Variants in PBX1 observed in about 807,000 individuals in gnomAD.
The protein encoded by PBX1 is PBX homeobox 1, also known as pre-B-cell leukemia transcription factor 1.
Under a neutral mutation model 53.4 loss-of-function variants are expected in PBX1, and 6 were observed. The observed-to-expected ratio is 0.11, with a 90% CI of 0.06 to 0.22. PBX1 has a LOEUF of 0.22. PBX1 is among the 10% of genes least tolerant of loss of function. The pLI is 1.00. For synonymous variants in PBX1, 204 were observed against 212.3 expected, an observed-to-expected ratio of 0.96 and a Z score of 0.34; for missense variants, 251 against 551.4, an observed-to-expected ratio of 0.46 and a Z score of 5.46.
intron 8 of PBX1, among the ~76,000 whole-genome samples, chr1:164,839,965 CA>C (rs1178931855): frequency 6.6e-6 from 1 of 151,848 alleles, no homozygotes; most frequent in South Asian, 2.1e-4. Flanking sequence ...CTAGAGCCAG[CA>C]GCATGAGTTA....
intron 2 of PBX1, among the ~76,000 whole-genome samples, chr1:164,571,612 T>C (rs1653859775): frequency 2.1e-5 from 2 of 97,430 alleles, no homozygotes; most frequent in Non-Finnish European, 1.9e-5. Context: ...ACTTAAGGAA[T>C]GGACTTCAGT....
chr1:164,594,724 A>C (rs941845126), intron 2 of PBX1, among the ~76,000 whole-genome samples: 13 of 152,360 alleles, frequency 8.5e-5, no homozygotes, highest in Admixed American at 7.2e-4. Context: ...ATCAACATAA[A>C]AATGTTAATG....
chr1:164,826,545 C>T (rs1216116453), intron 8 of PBX1, among the ~76,000 whole-genome samples: 2 of 152,074 alleles, frequency 1.3e-5, no homozygotes, highest in African/African-American at 4.8e-5. Context: ...GCCGGGATTA[C>T]AGGTTTGCAC....
chr1:164,605,045 G>A (rs1571049298), intron 2 of PBX1: 1 of 152,166 alleles, frequency 6.6e-6, no homozygotes, highest in Non-Finnish European at 1.5e-5. Flanking sequence ...AGGAACCTGT[G>A]TTCTTGTGGG....
At chr1:164,786,994 A>G (rs1668230810) in intron 2 of PBX1, among the ~76,000 whole-genome samples, 3 of 152,216 alleles carry the variant, frequency 2.0e-5, no homozygotes, top group South Asian at 2.1e-4. Flanking sequence ...ATGAACAAAT[A>G]AAAGGTATAA....
intron 2 of PBX1, among the ~76,000 whole-genome samples, chr1:164,745,343 A>G (rs1375402948): frequency 1.3e-5 from 2 of 152,218 alleles, no homozygotes; most frequent in African/African-American, 2.4e-5. Flanking sequence ...ATGGAGCCCT[A>G]TACAAGTGAT....
intron 2 of PBX1, among the ~76,000 whole-genome samples, chr1:164,672,886 C>G (rs1661195253): frequency 6.6e-6 from 1 of 152,178 alleles, no homozygotes; most frequent in African/African-American, 2.4e-5. Flanking sequence ...GTAACCACTT[C>G]AAAGGCAGGA....
At chr1:164,713,954 TATG>T (rs1663941421) in intron 2 of PBX1, among the ~76,000 whole-genome samples, 1 of 152,198 alleles carries the variant, frequency 6.6e-6, no homozygotes, top group African/African-American at 2.4e-5. Flanking sequence ...TCGTCACATA[TATG>T]ATTTCACAGC....
intron 8 of PBX1, among the ~76,000 whole-genome samples, chr1:164,843,275 C>G (rs1228466300): frequency 6.6e-6 from 1 of 152,170 alleles, no homozygotes; most frequent in African/African-American, 2.4e-5. Flanking sequence ...TCCACATTCC[C>G]CAGCATGACA....
intron 2 of PBX1, among the ~76,000 whole-genome samples, chr1:164,629,010 G>T (rs1317918760): frequency 2.0e-5 from 3 of 152,110 alleles, no homozygotes; most frequent in Non-Finnish European, 4.4e-5. Context: ...GACATCTCAC[G>T]CAAGATTCTT....
At chr1:164,813,588 T>C (rs978242487) in intron 6 of PBX1, 1 of 152,220 alleles carries the variant, frequency 6.6e-6, no homozygotes. Flanking sequence ...ACATTTTCAC[T>C]TGTCTCTTTG....
intron 2 of PBX1, among the ~76,000 whole-genome samples, chr1:164,630,164 G>A (rs1043109654): frequency 6.6e-6 from 1 of 152,150 alleles, no homozygotes; most frequent in African/African-American, 2.4e-5. Context: ...TGACGTTGTG[G>A]TTTTCACTGG....
chr1:164,717,579 C>G (rs1244206176), intron 2 of PBX1, among the ~76,000 whole-genome samples: 1 of 152,154 alleles, frequency 6.6e-6, no homozygotes, highest in Non-Finnish European at 1.5e-5. Flanking sequence ...TGCATTTCAG[C>G]TACTCGAGCA....
chr1:164,664,901 G>A (rs1012275102), intron 2 of PBX1, among the ~76,000 whole-genome samples: 1 of 48,848 alleles, frequency 2.0e-5, no homozygotes, highest in African/African-American at 3.9e-5. Flanking sequence ...CTCCCACTGA[G>A]TCCCTCCCAC....
chr1:164,637,550 G>A (rs775530553), intron 2 of PBX1, among the ~76,000 whole-genome samples: 8 of 152,158 alleles, frequency 5.3e-5, no homozygotes, highest in Non-Finnish European at 7.3e-5. Context: ...AGGGAGTCCT[G>A]TTATTCAGTA....
intron 2 of PBX1, chr1:164,771,669 A>G (rs1667379284): frequency 2.0e-5 from 3 of 152,030 alleles, no homozygotes; most frequent in Admixed American, 6.6e-5. Flanking sequence ...ACACTGGGAC[A>G]AACTATTTTT....
chr1:164,834,753 G>A (rs1168919179), intron 8 of PBX1, among the ~76,000 whole-genome samples: 2 of 152,184 alleles, frequency 1.3e-5, no homozygotes, highest in African/African-American at 4.8e-5. Flanking sequence ...TCTTCTCTGG[G>A]GAAAAGAGTC....
intron 2 of PBX1, among the ~76,000 whole-genome samples, chr1:164,721,675 T>A (rs527546482): frequency 6.6e-6 from 1 of 152,194 alleles, no homozygotes; most frequent in Non-Finnish European, 1.5e-5. Flanking sequence ...TCCACAGGTA[T>A]GAATACTGAA....
intron 2 of PBX1, chr1:164,639,499 G>C (rs1438088329): frequency 1.3e-5 from 2 of 152,200 alleles, no homozygotes; most frequent in African/African-American, 4.8e-5. Flanking sequence ...CAGTAGTACA[G>C]AGCAGTGGGA....
Sources: gnomAD v4.1 joint callset for allele counts (sites outside exome capture counted in the v4.1 genomes callset) on GRCh38, gnomAD v4.1.1 for gene constraint, MANE v1.5 for transcripts, NCBI Gene and HGNC (gene_info 2026-07-23, HGNC 2026-07-21) for gene names.